The following ATRNL1 variants were observed in gnomAD, a reference collection of about 807,000 sequenced individuals.
ATRNL1 encodes attractin-like protein 1.
Under a neutral mutation model 182.7 loss-of-function variants are expected in ATRNL1, and 95 were observed. The observed-to-expected ratio is 0.52, with a 90% CI of 0.44 to 0.62. The LOEUF (loss-of-function observed/expected upper bound fraction) is 0.62, where lower values mean the gene tolerates loss of function less well. Among genes scored for constraint, ATRNL1 ranks in the 20% least tolerant of loss-of-function variants. The pLI is 0.00. For missense variants in ATRNL1, 1,471 were observed against 1,679.5 expected, an observed-to-expected ratio of 0.88 and a Z score of 2.17; for synonymous variants, 576 against 568.3, an observed-to-expected ratio of 1.01 and a Z score of -0.19.
intron 26 of ATRNL1, among the ~76,000 whole-genome samples, chr10:115,658,134 C>T (rs11197385): frequency 0.19 from 23,523 of 126,788 alleles, 2,582 homozygotes; most frequent in Middle Eastern, 0.27. Context: ...CTCGCTCTGT[C>T]GCCCAGGCTG....
At chr10:115,490,910 C>T (rs1849268452) in intron 24 of ATRNL1, among the ~76,000 whole-genome samples, 1 of 151,988 alleles carries the variant, frequency 6.6e-6, no homozygotes, top group African/African-American at 2.4e-5. Flanking sequence ...CAGATGGGGT[C>T]TCTGAGTGGA....
chr10:115,499,068 A>G (rs1375373963), intron 24 of ATRNL1, among the ~76,000 whole-genome samples: 1 of 152,156 alleles, frequency 6.6e-6, no homozygotes, highest in African/African-American at 2.4e-5. Context: ...TGATTTGTGA[A>G]TTGAAATCTG....
chr10:115,573,193 C>T (rs1592873455), intron 26 of ATRNL1, among the ~76,000 whole-genome samples: 1 of 152,068 alleles, frequency 6.6e-6, no homozygotes, highest in Non-Finnish European at 1.5e-5. Context: ...GTAGAGGTGG[C>T]TCTCAGTGAT....
intron 19 of ATRNL1, among the ~76,000 whole-genome samples, chr10:115,369,053 A>G (rs1857240181): frequency 6.6e-6 from 1 of 152,138 alleles, no homozygotes; most frequent in African/African-American, 2.4e-5. Context: ...GAGTGAAATC[A>G]TACAGTATTA....
chr10:115,749,603 G>C (rs1411112197), intron 27 of ATRNL1, among the ~76,000 whole-genome samples: 1 of 151,890 alleles, frequency 6.6e-6, no homozygotes, highest in East Asian at 1.9e-4. Context: ...GTTTAAAACT[G>C]ATCTTTTATA....
chr10:115,567,456 A>G (rs1854135711), intron 26 of ATRNL1, among the ~76,000 whole-genome samples: 1 of 152,148 alleles, frequency 6.6e-6, no homozygotes. Context: ...TTTTCCATTT[A>G]ATTTTGCAGA....
chr10:115,431,457 G>C (rs1209714862), intron 21 of ATRNL1, among the ~76,000 whole-genome samples: 5 of 150,890 alleles, frequency 3.3e-5, no homozygotes, highest in African/African-American at 1.2e-4. Flanking sequence ...TCTTCTTCAT[G>C]TTTTGGTTTG....
intron 5 of ATRNL1, among the ~76,000 whole-genome samples, chr10:115,145,433 G>A (rs1393661481): frequency 6.6e-6 from 1 of 152,026 alleles, no homozygotes; most frequent in African/African-American, 2.4e-5. Context: ...GAAACTGTAA[G>A]AGCCAAGTAT....
At chr10:115,918,410 C>A (rs916069099) in intron 28 of ATRNL1, among the ~76,000 whole-genome samples, 3 of 152,062 alleles carry the variant, frequency 2.0e-5, no homozygotes, top group Non-Finnish European at 1.5e-5. Flanking sequence ...GCCTTTTTAG[C>A]GTCTTTTCTT....
At chr10:115,447,149 A>T (rs183585657) in intron 21 of ATRNL1, among the ~76,000 whole-genome samples, 4 of 151,948 alleles carry the variant, frequency 2.6e-5, no homozygotes, top group Admixed American at 1.3e-4. Context: ...GAAATTTAAA[A>T]TGTGTTAAAA....
chr10:115,714,335 A>G (rs1450337772), intron 26 of ATRNL1, among the ~76,000 whole-genome samples: 7 of 151,694 alleles, frequency 4.6e-5, no homozygotes, highest in African/African-American at 1.7e-4. Context: ...GAAAAGAAAA[A>G]AAAAAACTCA....
chr10:115,535,338 C>G (rs1245859793), intron 25 of ATRNL1, among the ~76,000 whole-genome samples: 1 of 152,024 alleles, frequency 6.6e-6, no homozygotes, highest in Non-Finnish European at 1.5e-5. Context: ...AACTTCCCTT[C>G]TCGCTTCATT....
chr10:115,863,897 A>G (rs79977312), intron 28 of ATRNL1, among the ~76,000 whole-genome samples: 1 of 152,340 alleles, frequency 6.6e-6, no homozygotes, highest in Non-Finnish European at 1.5e-5. Flanking sequence ...TTGTGAAGAC[A>G]TGTTAAAAGG....
chr10:115,363,839 C>T (rs1387140826), intron 19 of ATRNL1, among the ~76,000 whole-genome samples: 18 of 145,454 alleles, frequency 1.2e-4, no homozygotes, highest in African/African-American at 4.3e-4. Context: ...AGATATGCGG[C>T]GTTATTTCTG....
intron 8 of ATRNL1, among the ~76,000 whole-genome samples, chr10:115,197,193 A>G (rs1357909539): frequency 6.6e-6 from 1 of 151,820 alleles, no homozygotes; most frequent in Non-Finnish European, 1.5e-5. Context: ...TGACTTTTAC[A>G]TGTTAAACTG....
At chr10:115,302,162 G>A (rs548646672) in intron 17 of ATRNL1, 119 bp downstream of exon 17, 213 of 1,005,108 alleles carry the variant, frequency 2.1e-4, no homozygotes, top group Non-Finnish European at 2.6e-4. Flanking sequence ...ATATTGTTAC[G>A]GCTACTTTTG....
chr10:115,190,692 T>G (rs1237869670), intron 8 of ATRNL1, among the ~76,000 whole-genome samples: 1 of 152,142 alleles, frequency 6.6e-6, no homozygotes, highest in Admixed American at 6.6e-5. Flanking sequence ...ACTTCAAGCC[T>G]TTATTATTTT....
At chr10:115,812,216 T>C (rs1555087162) in intron 27 of ATRNL1, among the ~76,000 whole-genome samples, 1 of 152,176 alleles carries the variant, frequency 6.6e-6, no homozygotes, top group African/African-American at 2.4e-5. Context: ...TTTACTTTTG[T>C]ATCCAAAATG....
chr10:115,371,938 T>G (rs1857417007), intron 19 of ATRNL1, among the ~76,000 whole-genome samples: 1 of 152,150 alleles, frequency 6.6e-6, no homozygotes, highest in Non-Finnish European at 1.5e-5. Flanking sequence ...GGACAGGTCC[T>G]TTCCATGCTA....
Sources: allele counts gnomAD v4.1 joint callset (sites outside exome capture counted in the v4.1 genomes callset), GRCh38; gene constraint gnomAD v4.1.1; transcripts MANE v1.5; gene names NCBI Gene and HGNC (gene_info 2026-07-23, HGNC 2026-07-21).